ANO2: variants seen among roughly 807,000 people sequenced by gnomAD.
The protein encoded by ANO2 is anoctamin 2.
Under a neutral mutation model 124.2 loss-of-function variants are expected in ANO2, and 101 were observed. The observed-to-expected ratio is 0.81, with a 90% CI of 0.69 to 0.96. The LOEUF (loss-of-function observed/expected upper bound fraction) is 0.96. ANO2 is among the 40% of genes least tolerant of loss of function. The pLI is 0.00. For synonymous variants in ANO2, 486 were observed against 482.5 expected, an observed-to-expected ratio of 1.01 and a Z score of -0.09; for missense variants, 1,293 against 1,274.5, an observed-to-expected ratio of 1.01 and a Z score of -0.22.
intron 3 of ANO2, among the ~76,000 whole-genome samples, chr12:5,916,359 A>C (rs961123419): frequency 1.3e-5 from 2 of 152,128 alleles, no homozygotes; most frequent in African/African-American, 4.8e-5. Flanking sequence ...TAGAGAAAAA[A>C]GTAAAAAACA....
At position 5,925,239 on chromosome 12, in the gene ANO2, T is replaced by C. The variant is rs969375103; in HGVS notation, c.23-2435A>G. Among the ~76,000 whole-genome samples, 3 of 152,194 alleles carry C rather than the reference T, an allele frequency of 2.0e-5. No homozygotes were observed. The highest frequency in any genetic ancestry group is 4.4e-5 in the Non-Finnish European group (3 of 68,036). On this transcript the variant is annotated intron_variant, in intron 1 of 24. Coordinates refer to ENST00000682330, the MANE Select transcript of ANO2 (RefSeq NM_001364791.2). This position sits in a 1 kb window ranked among gnomAD's most constrained non-coding sequence, Gnocchi z 4.6. ...CACCTGTGGCTCAGAGTAGCTCAGA[T>C]TCAAGGGCAATGCAAAGCTTTGGTC...
intron 14 of ANO2, among the ~76,000 whole-genome samples, chr12:5,678,726 C>G (rs2136997677): frequency 6.6e-6 from 1 of 152,346 alleles, no homozygotes; most frequent in Non-Finnish European, 1.5e-5. Flanking sequence ...TCCTGCCACT[C>G]TCTTTCACCT....
chr12:5,664,331 C>T (rs948752020), intron 14 of ANO2, among the ~76,000 whole-genome samples: 1 of 152,142 alleles, frequency 6.6e-6, no homozygotes, highest in Non-Finnish European at 1.5e-5. Flanking sequence ...TTCCATCTAT[C>T]CACCCACCCA....
At chr12:5,803,532 A>C (rs1295498897) in intron 9 of ANO2, among the ~76,000 whole-genome samples, 1 of 152,162 alleles carries the variant, frequency 6.6e-6, no homozygotes, top group Non-Finnish European at 1.5e-5. Context: ...AAGTGGGTGA[A>C]GAAGCCACAG....
chr12:5,632,844 T>C (rs913360974), intron 16 of ANO2, among the ~76,000 whole-genome samples: 1 of 152,174 alleles, frequency 6.6e-6, no homozygotes, highest in Non-Finnish European at 1.5e-5. Context: ...TACATCACCA[T>C]TGACTTTCTG....
At chr12:5,721,497 G>T (rs924064690) in intron 14 of ANO2, among the ~76,000 whole-genome samples, 2 of 129,886 alleles carry the variant, frequency 1.5e-5, no homozygotes, top group African/African-American at 3.1e-5. Flanking sequence ...TTTTGGTTTT[G>T]GGTTTTTTTT....
intron 17 of ANO2, among the ~76,000 whole-genome samples, chr12:5,613,906 G>A (rs1944668579): frequency 6.6e-6 from 1 of 152,320 alleles, no homozygotes; most frequent in African/African-American, 2.4e-5. Flanking sequence ...CACCAATGAA[G>A]TGTATACTTC....
intron 16 of ANO2, among the ~76,000 whole-genome samples, chr12:5,624,915 C>T (rs958536792): frequency 6.6e-6 from 1 of 152,138 alleles, no homozygotes; most frequent in African/African-American, 2.4e-5. Context: ...GAGGAACCAG[C>T]CCCAGGGGCT....
intron 14 of ANO2, among the ~76,000 whole-genome samples, chr12:5,731,874 G>A (rs1473440257): frequency 6.6e-6 from 1 of 152,058 alleles, no homozygotes; most frequent in African/African-American, 2.4e-5. Context: ...AGCAAATACA[G>A]GCATGTATTT....
At chr12:5,665,470 T>C (rs1947654683) in intron 14 of ANO2, among the ~76,000 whole-genome samples, 1 of 152,194 alleles carries the variant, frequency 6.6e-6, no homozygotes, top group African/African-American at 2.4e-5. Flanking sequence ...TCTAGATTCT[T>C]TTCCTCCCTC....
rs1768057719 is a variant in ANO2 at position 5,636,093 on chromosome 12, A to C, written c.1621-746T>G. The stretch of plus-strand genomic sequence containing the variant: ...TTGAAATGGAGGACTCAGATTCCTC[A>C]TTTGGTAGAGAAATGTCTAGCTGCT... On this transcript the variant is annotated intron_variant, in intron 15 of 24. Coordinates refer to ENST00000682330, the MANE Select transcript of ANO2 (RefSeq NM_001364791.2). This position sits in a 1 kb window ranked among gnomAD's most constrained non-coding sequence, Gnocchi z 4.6. Among the ~76,000 whole-genome samples the C allele has an allele frequency of 6.6e-6, 1 of 152,180 alleles. No homozygotes were observed. Among genetic ancestry groups the C allele is most frequent in the Admixed American group, 6.5e-5 (1 of 15,282 alleles).
chr12:5,648,976 A>T (rs1029651333), intron 14 of ANO2, among the ~76,000 whole-genome samples: 2 of 152,202 alleles, frequency 1.3e-5, no homozygotes, highest in African/African-American at 4.8e-5. Context: ...GGACATTCTT[A>T]TACTAAAAGA....
intron 14 of ANO2, among the ~76,000 whole-genome samples, chr12:5,657,209 T>C (rs1271724806): frequency 6.6e-6 from 1 of 151,662 alleles, no homozygotes; most frequent in Non-Finnish European, 1.5e-5. Flanking sequence ...TGATGGGGGG[T>C]GGAGGTGGCA....
At chr12:5,687,303 T>C (rs960889788) in intron 14 of ANO2, among the ~76,000 whole-genome samples, 3 of 152,206 alleles carry the variant, frequency 2.0e-5, no homozygotes, top group African/African-American at 7.2e-5. Flanking sequence ...GTCCTGTGCC[T>C]GGTGAGAAAA....
intron 14 of ANO2, among the ~76,000 whole-genome samples, chr12:5,721,678 T>A (rs1950243018): frequency 6.6e-6 from 1 of 152,140 alleles, no homozygotes; most frequent in African/African-American, 2.4e-5. Flanking sequence ...GCTATATTTT[T>A]TAATTATTTT....
At chr12:5,639,029 A>G (rs567621676) in intron 15 of ANO2, among the ~76,000 whole-genome samples, 9 of 152,312 alleles carry the variant, frequency 5.9e-5, no homozygotes, top group African/African-American at 1.9e-4. Flanking sequence ...GCCTCCGTTC[A>G]CGAGCTTCTG....
intron 14 of ANO2, among the ~76,000 whole-genome samples, chr12:5,722,270 G>A (rs1026999324): frequency 6.6e-6 from 1 of 152,196 alleles, no homozygotes; most frequent in Admixed American, 6.5e-5. Flanking sequence ...ACTTTGGGAG[G>A]CTGAGACGGG....
chr12:5,624,260 G>GAA (rs1012406521), intron 16 of ANO2, among the ~76,000 whole-genome samples: 3 of 151,592 alleles, frequency 2.0e-5, no homozygotes, highest in African/African-American at 7.3e-5. Flanking sequence ...GAGAGAGAGA[G>GAA]AAACAGACAG....
intron 9 of ANO2, among the ~76,000 whole-genome samples, chr12:5,803,838 G>C (rs1953115665): frequency 6.6e-6 from 1 of 152,208 alleles, no homozygotes; most frequent in African/African-American, 2.4e-5. Context: ...ATAGCACCAG[G>C]TGAGCTTCAG....
Sources: allele counts gnomAD v4.1 joint callset (sites outside exome capture counted in the v4.1 genomes callset), GRCh38; gene constraint gnomAD v4.1.1; non-coding constraint Gnocchi (gnomAD v3.1); transcripts MANE v1.5; gene names NCBI Gene and HGNC (gene_info 2026-07-23, HGNC 2026-07-21).